Variants in POM121C observed in about 807,000 individuals in gnomAD.
POM121C encodes the protein nuclear envelope pore membrane protein POM 121C.
POM121C carries 20 observed loss-of-function variants against 66.4 expected under a neutral mutation model. The observed-to-expected ratio is 0.30, with a 90% confidence interval of 0.21 to 0.44. The LOEUF (loss-of-function observed/expected upper bound fraction) is 0.44, where lower values mean the gene tolerates loss of function less well. POM121C is among the 20% of genes least tolerant of loss of function. The pLI is 1.00. For synonymous variants in POM121C, 286 were observed against 528.0 expected, an observed-to-expected ratio of 0.54 and a Z score of 6.28; for missense variants, 580 against 1,225.7, an observed-to-expected ratio of 0.47 and a Z score of 7.87.
intron 1 of POM121C, among the ~76,000 whole-genome samples, chr7:75,481,662 C>T (rs28493353): frequency 6.6e-6 from 1 of 152,032 alleles, no homozygotes; most frequent in Non-Finnish European, 1.5e-5. Context: ...CCTGTCTCTA[C>T]TAAAAATTAA....
intron 1 of POM121C, 23 bp downstream of exon 1, chr7:75,485,841 G>A (rs1266065000): frequency 7.1e-5 from 36 of 503,578 alleles, no homozygotes; most frequent in African/African-American, 5.4e-4. Flanking sequence ...TTCTCGCTCC[G>A]GGCCCAAAAA....
chr7:75,472,341 C>T (rs757013028), intron 3 of POM121C, among the ~76,000 whole-genome samples: 6 of 151,690 alleles, frequency 4.0e-5, no homozygotes, highest in Non-Finnish European at 7.4e-5. Context: ...ACTGAAACCC[C>T]GTCTCTACTA....
intron 3 of POM121C, among the ~76,000 whole-genome samples, chr7:75,452,569 G>A (rs1791057108): frequency 6.6e-6 from 1 of 152,142 alleles, no homozygotes; most frequent in Non-Finnish European, 1.5e-5. Flanking sequence ...ATGACACAAA[G>A]CTGGTCCCAA....
Position 75,419,234 on chromosome 7 carries a change from G to C in POM121C, c.2866+86C>G, listed in dbSNP as rs1359089327. 33 of 1,496,850 alleles carry C rather than the reference G, an allele frequency of 2.2e-5. 1 individual carries two copies. The highest frequency in any genetic ancestry group is 2.1e-4 in the Middle Eastern group (1 of 4,674). 92.7% of individuals were successfully genotyped at this position (1,496,850 alleles called of 1,614,324 possible). A position where few individuals can be genotyped will look rare whatever the true frequency, so the allele number is the denominator to read the frequency against. ...TTCCTGTGCTGAACCTGATCTTCAC[G>C]GGGCCTCAGAGGGCCAGGAGCCTGC... On this transcript the variant is annotated intron_variant, in intron 14 of 14. Transcript: ENST00000615331.
chr7:75,449,119 C>T (rs1190575390), intron 3 of POM121C, among the ~76,000 whole-genome samples: 2 of 148,862 alleles, frequency 1.3e-5, no homozygotes, highest in Non-Finnish European at 3.0e-5. Flanking sequence ...AGGCTGCATT[C>T]GCAGTGTGGG....
chr7:75,458,658 G>T (rs2116472507), intron 3 of POM121C, among the ~76,000 whole-genome samples: 1 of 152,364 alleles, frequency 6.6e-6, no homozygotes, highest in South Asian at 2.1e-4. Flanking sequence ...CACAGAAAGT[G>T]CATCCTGAAT....
At chr7:75,461,946 T>A (rs1281565078) in intron 3 of POM121C, among the ~76,000 whole-genome samples, 2 of 149,358 alleles carry the variant, frequency 1.3e-5, no homozygotes, top group Admixed American at 6.7e-5. Flanking sequence ...TCAGCAAAAA[T>A]GGCAGAGTAG....
chr7:75,447,852 T>C (rs1790877686), intron 3 of POM121C, among the ~76,000 whole-genome samples: 1 of 151,334 alleles, frequency 6.6e-6, no homozygotes, highest in African/African-American at 2.4e-5. Context: ...TGAAACCCCG[T>C]CTCTACTAAA....
chr7:75,434,872 T>A (rs1216941738), intron 7 of POM121C, among the ~76,000 whole-genome samples: 1 of 152,024 alleles, frequency 6.6e-6, no homozygotes, highest in Non-Finnish European at 1.5e-5. Context: ...TCCATGCCCA[T>A]CCTAGATACT....
At position 75,440,905 on chromosome 7, in the gene POM121C, A is replaced by G. The variant is rs587679258; in HGVS notation, c.227+49T>C. ...TACGGGAATGTCTACATCTCATCCC[A>G]TAGGGGTCCAAGCGGGAAACTGGCT... On this transcript the variant is annotated intron_variant, in intron 5 of 14. Coordinates refer to ENST00000615331, the MANE Select transcript of POM121C (RefSeq NM_001099415.3). 3.1e-5 allele frequency: 50 copies of G among 1,613,706 alleles called. 1 individual carries two copies. The South Asian group carries it at 3.7e-4, about 12-fold the overall frequency.
chr7:75,437,782 G>A, intron 6 of POM121C, 96 bp from the exon 7 acceptor site: 2 of 1,447,326 alleles, frequency 1.4e-6, no homozygotes, highest in Non-Finnish European at 1.8e-6. Flanking sequence ...AACATGAAGG[G>A]AAGAGAATAA....
chr7:75,472,108 G>T (rs185114610), intron 3 of POM121C, among the ~76,000 whole-genome samples: 4 of 151,680 alleles, frequency 2.6e-5, no homozygotes, highest in African/African-American at 9.7e-5. Flanking sequence ...GGATGGTCTC[G>T]ATCTCCTGAC....
chr7:75,454,808 G>A (rs1451662361), intron 3 of POM121C, among the ~76,000 whole-genome samples: 1 of 152,368 alleles, frequency 6.6e-6, no homozygotes, highest in Admixed American at 6.5e-5. Context: ...CGACGCAGTG[G>A]AGGTGGGGAG....
At chr7:75,425,732 T>C in intron 8 of POM121C, 24 bp from the exon 9 acceptor site, 1 of 1,595,264 alleles carries the variant, frequency 6.3e-7, no homozygotes, top group Non-Finnish European at 8.5e-7. Flanking sequence ...AGGAACAATT[T>C]AGTCTAGAAA....
intron 3 of POM121C, among the ~76,000 whole-genome samples, chr7:75,454,126 G>A (rs1554476041): frequency 2.6e-5 from 4 of 152,058 alleles, no homozygotes; most frequent in African/African-American, 7.2e-5. Flanking sequence ...ACATACCCCC[G>A]ACCACGCGAT....
At chr7:75,476,290 CAAAA>C (rs11426718) in intron 1 of POM121C, among the ~76,000 whole-genome samples, 1 of 116,552 alleles carries the variant, frequency 8.6e-6, no homozygotes, top group Admixed American at 8.2e-5. Flanking sequence ...GACCTTGTCT[CAAAA>C]AAAAAAAAAA....
chr7:75,463,550 A>T (rs2116488315), intron 3 of POM121C, among the ~76,000 whole-genome samples: 1 of 151,126 alleles, frequency 6.6e-6, no homozygotes, highest in East Asian at 1.9e-4. Context: ...ACTTTCAGAG[A>T]CCGCACATGT....
At chr7:75,463,961 G>A (rs1179964215) in intron 3 of POM121C, among the ~76,000 whole-genome samples, 1 of 149,426 alleles carries the variant, frequency 6.7e-6, no homozygotes, top group Non-Finnish European at 1.5e-5. Flanking sequence ...CAAAAGTGCT[G>A]GGATTACAGG....
At chr7:75,442,473 CGAA>C in intron 3 of POM121C, 1 of 1,413,398 alleles carries the variant, frequency 7.1e-7, no homozygotes, top group East Asian at 2.7e-5. Flanking sequence ...GCCTTCTGAA[CGAA>C]GGAGGACAAG....
Sources: allele counts gnomAD v4.1 joint callset (sites outside exome capture counted in the v4.1 genomes callset), GRCh38; gene constraint gnomAD v4.1.1; transcripts MANE v1.5; gene names NCBI Gene and HGNC (gene_info 2026-07-23, HGNC 2026-07-21).